The following LAMA3 variants were observed in gnomAD, a reference collection of about 807,000 sequenced individuals.
LAMA3 encodes the protein laminin subunit alpha-3.
Under a neutral mutation model 402.0 loss-of-function variants are expected in LAMA3, and 281 were observed. The observed-to-expected ratio is 0.70, with a 90% CI of 0.63 to 0.77. The LOEUF is 0.77. Among genes scored for constraint, LAMA3 ranks in the 30% least tolerant of loss-of-function variants. LAMA3 has a pLI of 0.00. For missense variants in LAMA3, 3,840 were observed against 4,215.5 expected, an observed-to-expected ratio of 0.91 and a Z score of 2.47; for synonymous variants, 1,431 against 1,558.4, an observed-to-expected ratio of 0.92 and a Z score of 1.93.
At chr18:23,762,896 AC>A (rs1263379855) in intron 7 of LAMA3, among the ~76,000 whole-genome samples, 1 of 150,030 alleles carries the variant, frequency 6.7e-6, no homozygotes, top group African/African-American at 2.5e-5. Context: ...TCGCTCTGTC[AC>A]CCAGGCTGGA....
At chr18:23,758,334 G>A (rs1483891863) in intron 6 of LAMA3, 62 bp from the exon 7 acceptor site, 2 of 1,239,612 alleles carry the variant, frequency 1.6e-6, no homozygotes, top group Middle Eastern at 1.8e-4. Context: ...TCGCACTATA[G>A]GATCAACTGA....
intron 2 of LAMA3, among the ~76,000 whole-genome samples, chr18:23,741,068 C>T (rs1598693184): frequency 6.6e-6 from 1 of 152,124 alleles, no homozygotes; most frequent in Non-Finnish European, 1.5e-5. Context: ...ATTCTCCTGC[C>T]TCAGCCTCCC....
intron 62 of LAMA3, among the ~76,000 whole-genome samples, chr18:23,925,227 C>T (rs2081970478): frequency 6.6e-6 from 1 of 152,226 alleles, no homozygotes; most frequent in Non-Finnish European, 1.5e-5. Context: ...ACTAAATCAG[C>T]TTTGCTCAAG....
intron 40 of LAMA3, 78 bp downstream of exon 40, chr18:23,882,123 G>A: frequency 1.1e-6 from 1 of 884,776 alleles, no homozygotes; most frequent in Non-Finnish European, 1.9e-6. Context: ...TGGGAGAGCA[G>A]GTGGGGAGAA....
In LAMA3 at chr18:23,928,228, G is replaced by A. The variant is rs146634036; in HGVS notation, c.8283G>A (p.Ser2761=). The stretch of plus-strand genomic sequence containing the variant: ...CTGTGGGAGTAACCAAAAAGTGCTC[G>A]GAAGACTGGAAGGTAAGTGAAAGTT... The part of the protein sequence containing the change: ...NDTVGVTKKC[S]EDWKLVRSAS... Residue 2761 remains serine, a synonymous_variant, in exon 63 of 75, where the codon TCG becomes TCA. Transcript: ENST00000313654. 1.1e-4 allele frequency: 180 copies of A among 1,600,260 alleles called. 2 individuals are homozygous for A. In the African/African-American group the frequency reaches 1.2e-3, roughly 11 times the overall value.
At chr18:23,827,594 C>T in intron 23 of LAMA3, 127 bp downstream of exon 23, 1 of 1,056,712 alleles carries the variant, frequency 9.5e-7, no homozygotes. Context: ...AGGTGTTTAT[C>T]AACATTTGCT....
At position 23,901,175 on chromosome 18, in the gene LAMA3, A is replaced by G; in HGVS notation, c.6053A>G (p.Asn2018Ser). 1.2e-6 allele frequency: 2 copies of G among 1,614,198 alleles called. No individual in the cohort carries two copies. Among genetic ancestry groups the G allele is most frequent in the African/African-American group, 1.3e-5 (1 of 75,040 alleles). The change falls in exon 48 of 75, where the codon AAT becomes AGT. Residue 2018 changes from asparagine (N) to serine (S), a missense_variant. Transcript: ENST00000313654. Reference protein sequence around the residue: ...TWQKTHQGENNGLANSIRDSL... With the variant: ...TWQKTHQGENSGLANSIRDSL... ...CAGAAAACCCACCAGGGGGAGAACAATGGGCTTGCTAACAGTATCCGGGAT... is the reference window on the plus strand; with the variant it reads ...CAGAAAACCCACCAGGGGGAGAACAGTGGGCTTGCTAACAGTATCCGGGAT...
intron 23 of LAMA3, among the ~76,000 whole-genome samples, chr18:23,833,292 T>C (rs2063520067): frequency 6.6e-6 from 1 of 152,228 alleles, no homozygotes; most frequent in Admixed American, 6.5e-5. Context: ...GAAAATGGTT[T>C]GGTATGAAAA....
rs778390883 is a variant in LAMA3 at position 23,855,551 on chromosome 18, CAAG to C, written c.4137-2288_4137-2286del. ...CTGATTACATTTAGTCCGAGGGTCA[CAAG>C]AAGAGAGCAGTTGTTATTAACCTGG... On this transcript the variant is annotated intron_variant, in intron 32 of 74. Coordinates refer to ENST00000313654, the MANE Select transcript of LAMA3 (RefSeq NM_198129.4). Among the ~76,000 whole-genome samples the C allele has an allele frequency of 2.6e-5, 4 of 152,184 alleles. No individual in the cohort carries two copies. In the South Asian group the frequency reaches 8.3e-4, roughly 32 times the overall value.
At chr18:23,932,124 A>C (rs759904381) in intron 65 of LAMA3, 36 bp from the exon 66 acceptor site, 25 of 1,612,748 alleles carry the variant, frequency 1.6e-5, no homozygotes, top group Middle Eastern at 1.8e-4. Context: ...TTTTTCCAGC[A>C]GTTCTCACCC....
At chr18:23,897,168 TC>T (rs2080903592) in intron 44 of LAMA3, among the ~76,000 whole-genome samples, 1 of 152,098 alleles carries the variant, frequency 6.6e-6, no homozygotes, top group African/African-American at 2.4e-5. Flanking sequence ...AAAAATACAC[TC>T]ATTGAAGTAA....
intron 52 of LAMA3, among the ~76,000 whole-genome samples, chr18:23,907,033 C>T (rs1336371193): frequency 6.6e-6 from 1 of 152,200 alleles, no homozygotes; most frequent in Non-Finnish European, 1.5e-5. Flanking sequence ...ACAGTGCCTA[C>T]TTTGTGTCTG....
chr18:23,890,164 A>AAGTTATACCAGCTT, intron 42 of LAMA3, 47 bp downstream of exon 42: 2 of 1,233,918 alleles, frequency 1.6e-6, no homozygotes, highest in Non-Finnish European at 2.4e-6. Flanking sequence ...TAAAGCTGGT[A>AAGTTATACCAGCTT]TAACTTAACA....
At chr18:23,745,437 C>G (rs971016604) in intron 2 of LAMA3, among the ~76,000 whole-genome samples, 39 of 152,172 alleles carry the variant, frequency 2.6e-4, no homozygotes, top group African/African-American at 8.0e-4. Flanking sequence ...CACCCCTGGG[C>G]TCTCTAGAAT....
chr18:23,928,315 C>T (rs951344305), intron 63 of LAMA3, 75 bp downstream of exon 63: 11 of 912,034 alleles, frequency 1.2e-5, no homozygotes, highest in African/African-American at 3.3e-5. Flanking sequence ...AACGCAGCAA[C>T]TTTTGACTTC....
In LAMA3 at chr18:23,731,316, C is replaced by T. The variant is rs1399104233; in HGVS notation, c.448-16627C>T. 3.3e-5 allele frequency among the ~76,000 whole-genome samples: 5 copies of T among 152,168 alleles called. No homozygotes were observed. The East Asian group carries it at 7.7e-4, about 23-fold the overall frequency. On this transcript the variant is annotated intron_variant, in intron 2 of 74. Transcript: ENST00000313654. ...TTCATCCTAAGCATCTAGAACATGA[C>T]ATATAATGTCTTGAGGCATTCTTTT...
In LAMA3 at chr18:23,907,602, T is replaced by A. The variant is rs2081290909; in HGVS notation, c.6771T>A (p.Val2257=). Residue 2257 remains valine (V), a synonymous_variant, in exon 53 of 75, where the codon GTT becomes GTA. Transcript: ENST00000313654. Reference sequence around the variant, plus strand: ...AGCAAACCCTGAATATTGTGACAGTTCAGAAAGAAGTGATAGACACCAATC... The same window carrying A: ...AGCAAACCCTGAATATTGTGACAGTACAGAAAGAAGTGATAGACACCAATC... ...NLQQTLNIVT[V]QKEVIDTNLT... The A allele has an allele frequency of 6.2e-7, 1 of 1,614,156 alleles. No homozygotes were observed. The highest frequency in any genetic ancestry group is 8.5e-7 in the Non-Finnish European group (1 of 1,179,986).
At chr18:23,927,321 A>T (rs935608180) in intron 62 of LAMA3, among the ~76,000 whole-genome samples, 4 of 152,150 alleles carry the variant, frequency 2.6e-5, no homozygotes, top group Non-Finnish European at 4.4e-5. Context: ...GGTGCCTGCC[A>T]CCACGTCCAG....
chr18:23,844,783 A>G (rs1368432331), intron 29 of LAMA3, among the ~76,000 whole-genome samples: 2 of 152,244 alleles, frequency 1.3e-5, no homozygotes, highest in African/African-American at 4.8e-5. Context: ...CATAATACTT[A>G]CAGATTGAGC....
Sources: allele counts gnomAD v4.1 joint callset (sites outside exome capture counted in the v4.1 genomes callset), GRCh38; gene constraint gnomAD v4.1.1; transcripts MANE v1.5; gene names NCBI Gene and HGNC (gene_info 2026-07-23, HGNC 2026-07-21).